Variants in BNC2 observed in about 807,000 individuals in gnomAD.
The protein encoded by BNC2 is zinc finger protein basonuclin-2.
Under a neutral mutation model 76.3 loss-of-function variants are expected in BNC2, and 20 were observed. The observed-to-expected ratio is 0.26, with a 90% confidence interval of 0.18 to 0.38. The LOEUF is 0.38. BNC2 is among the 10% of genes least tolerant of loss of function. The pLI, the probability that BNC2 is intolerant of heterozygous loss-of-function variation, is 1.00. For synonymous variants in BNC2, 582 were observed against 514.8 expected (o/e 1.13, Z -1.77); for missense variants, 1,382 against 1,399.8 (o/e 0.99, Z 0.20).
At chr9:16,525,221 G>C (rs1563824551) in intron 5 of BNC2, among the ~76,000 whole-genome samples, 1 of 151,886 alleles carries the variant, frequency 6.6e-6, no homozygotes, top group Non-Finnish European at 1.5e-5. Context: ...AGAATCAAAA[G>C]TCAATCAAAA....
At position 16,435,711 on chromosome 9, in the gene BNC2, G is replaced by C. The variant is rs374475570; in HGVS notation, c.2483C>G (p.Ser828Cys). 6.2e-7 allele frequency: 1 copy of C among 1,614,008 alleles called. No individual in the cohort carries two copies. Among genetic ancestry groups the C allele is most frequent in the African/African-American group, 1.3e-5 (1 of 74,914 alleles). ...ATAACAGATTTTGGGGTCTGGGCTA[G>C]AACATAGGTCACCTTCTGGGGAGAA... ...QKFSPEGDLC[S>C]SPDPKICYVC... is the part of the protein sequence containing the mutation. The change falls in exon 6 of 7, where the codon TCT becomes TGT. Residue 828 changes from serine (S) to cysteine (C), a missense_variant. This residue lies in a region of BNC2 where 798 missense variants were observed against 775.5 expected (regional missense o/e 1.03). Coordinates refer to ENST00000380672, the MANE Select transcript of BNC2 (RefSeq NM_017637.6).
intron 5 of BNC2, among the ~76,000 whole-genome samples, chr9:16,461,871 C>A (rs566060852): frequency 6.6e-6 from 1 of 152,326 alleles, no homozygotes; most frequent in South Asian, 2.1e-4. Context: ...TGGAAGCCTG[C>A]TCACTTCTCA....
chr9:16,507,815 T>TTGA lies in BNC2; in HGVS notation c.669+44714_669+44715insTCA, dbSNP rs1822664711. ...TAGTAATAAATAAATGAACCTTAAT[T>TTGA]ACACATAGCACTAGTACAAACCCAA... On this transcript the variant is annotated intron_variant, in intron 5 of 6. Transcript: ENST00000380672. Among the ~76,000 whole-genome samples the TTGA allele has an allele frequency of 9.2e-5, 14 of 152,316 alleles. No individual in the cohort carries two copies. In the South Asian group the frequency reaches 2.9e-3, roughly 32 times the overall value.
intron 1 of BNC2, among the ~76,000 whole-genome samples, chr9:16,842,539 C>G (rs74926273): frequency 2.0e-5 from 3 of 152,018 alleles, no homozygotes; most frequent in Non-Finnish European, 2.9e-5. Flanking sequence ...GTGACGAAAG[C>G]GTTCTAGAAC....
intron 3 of BNC2, among the ~76,000 whole-genome samples, chr9:16,714,983 C>T (rs551530494): frequency 2.0e-5 from 3 of 152,134 alleles, no homozygotes; most frequent in Non-Finnish European, 4.4e-5. Context: ...ATTGGCCTTG[C>T]ATGAATTAGT....
intron 1 of BNC2, among the ~76,000 whole-genome samples, chr9:16,755,250 G>A (rs544397380): frequency 6.6e-6 from 1 of 152,284 alleles, no homozygotes; most frequent in South Asian, 2.1e-4. Flanking sequence ...GGAGGCAGAA[G>A]CACACTGGGT....
At chr9:16,603,518 A>G (rs1372286437) in intron 3 of BNC2, among the ~76,000 whole-genome samples, 1 of 152,234 alleles carries the variant, frequency 6.6e-6, no homozygotes, top group African/African-American at 2.4e-5. Context: ...GCTCCATTGA[A>G]GAAAATAATT....
chr9:16,496,510 G>C (rs1304174184), intron 5 of BNC2, among the ~76,000 whole-genome samples: 1 of 152,160 alleles, frequency 6.6e-6, no homozygotes, highest in Non-Finnish European at 1.5e-5. Context: ...GATATTTTAT[G>C]ATACAACTGT....
rs772630307 is a variant in BNC2, at chr9:16,458,936, G to C, written c.670-21412C>G. 4.6e-5 allele frequency among the ~76,000 whole-genome samples: 7 copies of C among 152,276 alleles called. No homozygotes were observed. In the East Asian group the frequency reaches 5.8e-4, roughly 13 times the overall value. On this transcript the variant is annotated intron_variant, in intron 5 of 6. Coordinates refer to ENST00000380672, the MANE Select transcript of BNC2 (RefSeq NM_017637.6). ...AATACATGCACCGTCCTTCTGTTTAGTTTCCTGGTTTTAATAAGAGCACCC... is the reference window on the plus strand; with the variant it reads ...AATACATGCACCGTCCTTCTGTTTACTTTCCTGGTTTTAATAAGAGCACCC...
chr9:16,849,100 C>T (rs1819063004), intron 1 of BNC2, among the ~76,000 whole-genome samples: 1 of 152,086 alleles, frequency 6.6e-6, no homozygotes, highest in African/African-American at 2.4e-5. Flanking sequence ...GTTGTTCTAG[C>T]TTTCTTTTAA....
chr9:16,689,461 C>A (rs1207705210), intron 3 of BNC2, among the ~76,000 whole-genome samples: 2 of 152,106 alleles, frequency 1.3e-5, no homozygotes, highest in Non-Finnish European at 2.9e-5. Flanking sequence ...TAGGCATCTG[C>A]CTGATAGACA....
intron 5 of BNC2, among the ~76,000 whole-genome samples, chr9:16,474,523 T>C (rs1436538219): frequency 6.6e-6 from 1 of 152,134 alleles, no homozygotes; most frequent in Non-Finnish European, 1.5e-5. Flanking sequence ...GAACCCTCAA[T>C]ATTGCACCCT....
At chr9:16,463,514 T>A (rs1226230020) in intron 5 of BNC2, among the ~76,000 whole-genome samples, 15 of 149,310 alleles carry the variant, frequency 1.0e-4, no homozygotes, top group African/African-American at 2.8e-4. Context: ...GCCAGGATGG[T>A]CTCAATCTCC....
At chr9:16,736,642 A>C (rs1824679790) in intron 2 of BNC2, among the ~76,000 whole-genome samples, 1 of 151,022 alleles carries the variant, frequency 6.6e-6, no homozygotes, top group Admixed American at 6.6e-5. Context: ...TGCCTGGGTA[A>C]TTTTTTTATT....
intron 1 of BNC2, among the ~76,000 whole-genome samples, chr9:16,861,928 G>C (rs1443084324): frequency 6.6e-6 from 1 of 151,958 alleles, no homozygotes; most frequent in Non-Finnish European, 1.5e-5. Context: ...GGTGGAGCTT[G>C]CAGTGAGCCG....
At chr9:16,657,109 C>T (rs534561418) in intron 3 of BNC2, among the ~76,000 whole-genome samples, 2 of 151,826 alleles carry the variant, frequency 1.3e-5, no homozygotes, top group Non-Finnish European at 2.9e-5. Flanking sequence ...AATATGGAGC[C>T]CTACAGAGAA....
Position 16,774,202 on chromosome 9 carries a change from G to A in BNC2, c.4-35717C>T, listed in dbSNP as rs190470882. ...TCACCATATTGGCCAGGCTGGTCTCGAACGCCTGACCTCGAGTGATCGGCC... is the reference window on the plus strand; with the variant it reads ...TCACCATATTGGCCAGGCTGGTCTCAAACGCCTGACCTCGAGTGATCGGCC... On this transcript the variant is annotated intron_variant, in intron 1 of 6. Coordinates refer to ENST00000380672, the MANE Select transcript of BNC2 (RefSeq NM_017637.6). Among the ~76,000 whole-genome samples, 264 of 152,186 alleles carry A rather than the reference G, an allele frequency of 1.7e-3. 1 individual carries two copies. The highest frequency in any genetic ancestry group is 6.1e-3 in the African/African-American group (253 of 41,518).
chr9:16,548,146 G>T (rs200666948), intron 5 of BNC2, among the ~76,000 whole-genome samples: 2 of 152,196 alleles, frequency 1.3e-5, no homozygotes, highest in East Asian at 1.9e-4. Context: ...ACCTGCAAAT[G>T]AGAAGATTTC....
At chr9:16,612,498 ATAT>A (rs1266373058) in intron 3 of BNC2, among the ~76,000 whole-genome samples, 8 of 152,164 alleles carry the variant, frequency 5.3e-5, no homozygotes, top group African/African-American at 1.4e-4. Context: ...GAAATACAAA[ATAT>A]TATATGACAA....
Sources: allele counts gnomAD v4.1 joint callset (sites outside exome capture counted in the v4.1 genomes callset), GRCh38; gene constraint gnomAD v4.1.1; regional missense constraint gnomAD v4.1.1; transcripts MANE v1.5; gene names NCBI Gene and HGNC (gene_info 2026-07-23, HGNC 2026-07-21).